YTHDF3: variants seen among roughly 807,000 people sequenced by gnomAD.
YTHDF3 encodes YTH N6-methyladenosine RNA binding protein F3.
A neutral mutation model predicts 52.5 loss-of-function variants in YTHDF3; 9 were observed. That is an observed-to-expected ratio of 0.17 (90% confidence interval 0.10 to 0.30). The LOEUF is 0.30. Ranked by LOEUF, YTHDF3 falls within the 10% of genes least tolerant of loss-of-function variation. The probability of loss-of-function intolerance (pLI) is 1.00; values close to 1 mark genes in which losing one functional copy is unlikely to be tolerated. For synonymous variants in YTHDF3, 274 were observed against 243.3 expected, an observed-to-expected ratio of 1.13 and a Z score of -1.18; for missense variants, 534 against 715.0, an observed-to-expected ratio of 0.75 and a Z score of 2.89.
chr8:63,209,106 G>A (rs982677179), intron 4 of YTHDF3, among the ~76,000 whole-genome samples: 16 of 152,108 alleles, frequency 1.1e-4, no homozygotes, highest in African/African-American at 3.9e-4. Flanking sequence ...GACCTCAGTT[G>A]ATCCACCTGT....
chr8:63,201,073 A>G (rs888113051), intron 4 of YTHDF3, among the ~76,000 whole-genome samples: 3 of 152,246 alleles, frequency 2.0e-5, no homozygotes, highest in African/African-American at 7.2e-5. Context: ...TCAAGGAGCT[A>G]AAGTCTGATA....
intron 4 of YTHDF3, among the ~76,000 whole-genome samples, chr8:63,189,450 A>C (rs984163648): frequency 1.3e-5 from 2 of 152,236 alleles, no homozygotes; most frequent in African/African-American, 4.8e-5. Context: ...TCCTCCAGTA[A>C]ATAATGCTTG....
In YTHDF3 at chr8:63,207,595, A is replaced by G. The variant is rs751052515; in HGVS notation, c.1735-2088A>G. 7.6e-4 allele frequency among the ~76,000 whole-genome samples: 115 copies of G among 152,118 alleles called. 1 individual carries two copies. Among genetic ancestry groups the G allele is most frequent in the East Asian group, 1.9e-4 (1 of 5,192 alleles). On this transcript the variant is annotated intron_variant, in intron 4 of 4. Transcript: ENST00000539294. ...TATAGACGTATTATCTATGTAATCT[A>G]TATATTTTAGTGATTCATTTAAAGT... is the stretch of plus-strand genomic sequence containing the variant.
intron 4 of YTHDF3, among the ~76,000 whole-genome samples, chr8:63,190,089 A>C (rs1022088251): frequency 6.6e-6 from 1 of 152,150 alleles, no homozygotes; most frequent in Non-Finnish European, 1.5e-5. Flanking sequence ...TCATTTTTAG[A>C]TTGTGCTGAT....
At chr8:63,182,372 T>A (rs529745159) in intron 3 of YTHDF3, among the ~76,000 whole-genome samples, 1 of 151,720 alleles carries the variant, frequency 6.6e-6, no homozygotes, top group South Asian at 2.1e-4. Context: ...TGCCTGGCTT[T>A]AAGCTAATAG....
At chr8:63,169,231 G>A (rs1245693193) in intron 1 of YTHDF3, 156 bp from the exon 2 acceptor site, 8 of 1,308,388 alleles carry the variant, frequency 6.1e-6, no homozygotes, top group Non-Finnish European at 8.3e-6. Flanking sequence ...AAGGCTGGGG[G>A]TGGTTGGGAA....
chr8:63,195,335 T>G (rs2150386175), intron 4 of YTHDF3, among the ~76,000 whole-genome samples: 1 of 152,300 alleles, frequency 6.6e-6, no homozygotes, highest in South Asian at 2.1e-4. Context: ...AACAAAATTG[T>G]GATTTGTGTT....
intron 4 of YTHDF3, among the ~76,000 whole-genome samples, chr8:63,203,940 T>G (rs1253049453): frequency 2.0e-5 from 3 of 152,210 alleles, no homozygotes; most frequent in African/African-American, 7.2e-5. Context: ...GATCTTAACT[T>G]CGATTGCTTA....
Position 63,211,421 on chromosome 8 carries a change from CTT to C in YTHDF3, c.*1716_*1717del, listed in dbSNP as rs1288206023. 1 of 152,456 alleles carries C rather than the reference CTT, an allele frequency of 6.6e-6. No homozygotes were observed. Among genetic ancestry groups the C allele is most frequent in the South Asian group, 2.1e-4 (1 of 4,820 alleles). The allele number at this position is 152,456 out of a possible 1,614,324, so 9.4% of individuals were successfully genotyped here. A position where few individuals can be genotyped will look rare whatever the true frequency, so the allele number is the denominator to read the frequency against. On this transcript the variant is annotated 3_prime_UTR_variant, in exon 5 of 5. Coordinates refer to ENST00000539294, the MANE Select transcript of YTHDF3 (RefSeq NM_152758.6). ...AGCCATGAAATCTTGTAACATGTCTCTTAACTATTTATAATGAAAAGTGGCAT... is the reference window on the plus strand; with the variant it reads ...AGCCATGAAATCTTGTAACATGTCTCAACTATTTATAATGAAAAGTGGCAT...
At chr8:63,191,752 C>T (rs1247182483) in intron 4 of YTHDF3, among the ~76,000 whole-genome samples, 1 of 152,066 alleles carries the variant, frequency 6.6e-6, no homozygotes, top group East Asian at 1.9e-4. Flanking sequence ...AAATTATGTA[C>T]TATATGATCT....
intron 4 of YTHDF3, among the ~76,000 whole-genome samples, chr8:63,204,180 C>T (rs1809830103): frequency 6.6e-6 from 1 of 151,922 alleles, no homozygotes; most frequent in Non-Finnish European, 1.5e-5. Flanking sequence ...GATCTATCCT[C>T]TCATTTTTTT....
chr8:63,210,007 C>A lies in YTHDF3; in HGVS notation c.*301C>A. 1 of 285,616 alleles carries A rather than the reference C, an allele frequency of 3.5e-6. No individual in the cohort carries two copies. The highest frequency in any genetic ancestry group is 6.5e-6 in the Non-Finnish European group (1 of 153,846). 17.7% of individuals were successfully genotyped at this position (285,616 alleles called of 1,614,324 possible). On this transcript the variant is annotated 3_prime_UTR_variant, in exon 5 of 5. Transcript: ENST00000539294. ...TAAGGCACAGAAGACTGAATGAATG[C>A]AAGGATTCATTAACTCTTTGAATTT...
At position 63,211,470 on chromosome 8, in the gene YTHDF3, A is replaced by G. The variant is rs936572802; in HGVS notation, c.*1764A>G. 4 of 152,550 alleles carry G rather than the reference A, an allele frequency of 2.6e-5. No individual in the cohort carries two copies. Among genetic ancestry groups the G allele is most frequent in the Non-Finnish European group, 2.9e-5 (2 of 68,000 alleles). 9.4% of individuals were successfully genotyped at this position (152,550 alleles called of 1,614,324 possible). A position where few individuals can be genotyped will look rare whatever the true frequency, so the allele number is the denominator to read the frequency against. ...GCATTTGGGTATAGTCACCACAGCAATGTTCTACATCCCTAAGATTATCTA... is the reference window on the plus strand; with the variant it reads ...GCATTTGGGTATAGTCACCACAGCAGTGTTCTACATCCCTAAGATTATCTA... On this transcript the variant is annotated 3_prime_UTR_variant, in exon 5 of 5. Coordinates refer to ENST00000539294, the MANE Select transcript of YTHDF3 (RefSeq NM_152758.6).
In YTHDF3 at chr8:63,187,570, G is replaced by T; in HGVS notation, c.1559G>T (p.Arg520Leu). 1 of 1,613,644 alleles carries T rather than the reference G, an allele frequency of 6.2e-7. No individual in the cohort carries two copies. The highest frequency in any genetic ancestry group is 8.5e-7 in the Non-Finnish European group (1 of 1,179,764). ...DVPNNQLRHI[R>L]LENNDNKPVT... is the part of the protein sequence containing the mutation. Reference sequence around the variant, plus strand: ...CCCAATAACCAATTACGGCATATTCGCTTAGAAAATAATGACAACAAACCG... The same window carrying T: ...CCCAATAACCAATTACGGCATATTCTCTTAGAAAATAATGACAACAAACCG... The change falls in exon 4 of 5, where the codon CGC (arginine) becomes CTC (leucine). Residue 520 changes from arginine to leucine, a missense_variant. This residue lies in a region of YTHDF3 where 135 missense variants were observed against 214.2 expected (regional missense o/e 0.63). Transcript: ENST00000539294.
intron 3 of YTHDF3, among the ~76,000 whole-genome samples, chr8:63,176,279 C>CTTAT (rs1173169375): frequency 6.6e-6 from 1 of 152,020 alleles, no homozygotes; most frequent in Non-Finnish European, 1.5e-5. Flanking sequence ...TTCTGTAGTT[C>CTTAT]TTATTTATTT....
At chr8:63,172,078 ATTAAGTCTGTCCCTGTG>A (rs1022369209) in intron 2 of YTHDF3, among the ~76,000 whole-genome samples, 8 of 152,298 alleles carry the variant, frequency 5.3e-5, no homozygotes, top group African/African-American at 1.9e-4. Context: ...TTCTTTTTTA[ATTAAGTCTGTCCCTGTG>A]TTAAATATCA....
rs1808524702 is a variant in YTHDF3 at position 63,186,669 on chromosome 8, A to G, written c.658A>G (p.Ile220Val). The G allele has an allele frequency of 6.2e-7, 1 of 1,613,992 alleles. No homozygotes were observed. The highest frequency in any genetic ancestry group is 1.7e-5 in the Admixed American group (1 of 60,026). Residue 220 changes from isoleucine to valine, a missense_variant, in exon 4 of 5, where the codon ATT (isoleucine) becomes GTT (valine). By Grantham distance (29) the Ile-to-Val change is conservative (BLOSUM62 3). Coordinates refer to ENST00000539294, the MANE Select transcript of YTHDF3 (RefSeq NM_152758.6). ...TALSSSGMTS[I>V]ATNSVPPVSS... is the part of the protein sequence containing the mutation. ...TTTGAGCAGCAGTGGTATGACTAGC[A>G]TTGCAACCAATAGTGTGCCCCCAGT...
At chr8:63,191,233 C>G (rs1190254399) in intron 4 of YTHDF3, among the ~76,000 whole-genome samples, 2 of 152,054 alleles carry the variant, frequency 1.3e-5, no homozygotes, top group Admixed American at 6.6e-5. Flanking sequence ...ATATTGTTTT[C>G]TGTAATCCTT....
intron 4 of YTHDF3, among the ~76,000 whole-genome samples, chr8:63,193,445 C>T (rs1368333929): frequency 1.4e-5 from 2 of 144,580 alleles, no homozygotes; most frequent in Non-Finnish European, 3.0e-5. Context: ...TTGAACTTAA[C>T]TGACTAAAGA....
Sources: allele counts gnomAD v4.1 joint callset (sites outside exome capture counted in the v4.1 genomes callset), GRCh38; gene constraint gnomAD v4.1.1; regional missense constraint gnomAD v4.1.1; transcripts MANE v1.5; gene names NCBI Gene and HGNC (gene_info 2026-07-23, HGNC 2026-07-21).